KARS1: variants seen among roughly 807,000 people sequenced by gnomAD.
The protein encoded by KARS1 is lysyl-tRNA synthetase 1.
KARS1 carries 50 observed loss-of-function variants against 63.9 expected under a neutral mutation model. The ratio of observed to expected loss-of-function variants is 0.78; its 90% CI spans 0.62 to 0.99. The LOEUF is 0.99. Among genes scored for constraint, KARS1 ranks in the 50% least tolerant of loss-of-function variants. The probability of loss-of-function intolerance (pLI) is 0.00; values close to 1 mark genes in which losing one functional copy is unlikely to be tolerated. For synonymous variants in KARS1, 320 were observed against 264.6 expected (o/e 1.21, Z -2.03); for missense variants, 816 against 754.5 (o/e 1.08, Z -0.95).
At chr16:75,641,748 A>G (rs767839894) in intron 1 of KARS1, 25 bp from the exon 2 acceptor site, 11 of 1,612,714 alleles carry the variant, frequency 6.8e-6, no homozygotes, top group African/African-American at 1.3e-5. Context: ...AAAGCGTTCA[A>G]TGTGTTAGCT....
chr16:75,635,091 T>G (rs961041123), intron 6 of KARS1, among the ~76,000 whole-genome samples: 1 of 152,188 alleles, frequency 6.6e-6, no homozygotes, highest in South Asian at 2.1e-4. Context: ...TACAAAGAGA[T>G]CCAGAATATC....
At chr16:75,633,408 A>C (rs1008781235) in intron 7 of KARS1, among the ~76,000 whole-genome samples, 1 of 152,200 alleles carries the variant, frequency 6.6e-6, no homozygotes, top group Admixed American at 6.5e-5. Flanking sequence ...TATTTTGCTT[A>C]AACTAGTTAT....
chr16:75,640,088 T>G, intron 3 of KARS1, 96 bp downstream of exon 3: 1 of 1,020,918 alleles, frequency 9.8e-7, no homozygotes, highest in Non-Finnish European at 1.6e-6. Flanking sequence ...CACAGGCTAC[T>G]TGAGAACAAG....
chr16:75,634,004 G>A (rs565348732), intron 7 of KARS1, 169 bp downstream of exon 7: 6 of 762,616 alleles, frequency 7.9e-6, no homozygotes, highest in African/African-American at 1.7e-5. Context: ...TATTAATCTT[G>A]TAGAGAAATT....
chr16:75,641,628 G>C lies in KARS1; in HGVS notation c.158C>G (p.Ala53Gly). 1.2e-6 allele frequency: 2 copies of C among 1,613,934 alleles called. No homozygotes were observed. The highest frequency in any genetic ancestry group is 2.2e-5 in the South Asian group (2 of 91,074). Residue 53 changes from alanine to glycine, a missense_variant, in exon 2 of 14, where the codon GCT becomes GGT. Coordinates refer to ENST00000302445, the MANE Select transcript of KARS1 (RefSeq NM_005548.3). ...ATCAGTGGTGTGGTTGGTGGCAGCA[G>C]CAGTGGCTTGGCTTAGCTGTTTCTC... ...LSEKQLSQAT[A>G]AATNHTTDNG...
At position 75,633,417 on chromosome 16, in the gene KARS1, A is replaced by T. The variant is rs142700469; in HGVS notation, c.915+756T>A. Reference sequence around the variant, plus strand: ...AATTTTTATTTTGCTTAAACTAGTTATAACAGTTTCTGTTGTCTGCAACTA... The same window carrying T: ...AATTTTTATTTTGCTTAAACTAGTTTTAACAGTTTCTGTTGTCTGCAACTA... On this transcript the variant is annotated intron_variant, in intron 7 of 13. Transcript: ENST00000302445. Among the ~76,000 whole-genome samples, 212 of 152,252 alleles carry T rather than the reference A, an allele frequency of 1.4e-3. 6 individuals carry two copies. Among genetic ancestry groups the T allele is most frequent in the Admixed American group, 0.012 (189 of 15,282 alleles).
intron 1 of KARS1, among the ~76,000 whole-genome samples, chr16:75,644,932 C>A (rs2082264734): frequency 6.6e-6 from 1 of 152,198 alleles, no homozygotes. Flanking sequence ...AAAGAGAAGA[C>A]TTGTTTGGAA....
At position 75,631,794 on chromosome 16, in the gene KARS1, C is replaced by T. The variant is rs894420443; in HGVS notation, c.977G>A (p.Gly326Glu). 1 of 1,614,136 alleles carries T rather than the reference C, an allele frequency of 6.2e-7. No homozygotes were observed. Among genetic ancestry groups the T allele is most frequent in the Non-Finnish European group, 8.5e-7 (1 of 1,180,048 alleles). The change falls in exon 8 of 14, where the codon GGG (glycine) becomes GAG (glutamate). Residue 326 changes from glycine (G) to glutamate (E), a missense_variant. Gly to Glu is a moderately conservative substitution (Grantham distance 98). Coordinates refer to ENST00000302445, the MANE Select transcript of KARS1 (RefSeq NM_005548.3). ...CTCAGGATTGTGCGTCAAATCAATC[C>T]CCTCATTCCGGAACTGGCGTCCAAT... ...YEIGRQFRNE[G>E]IDLTHNPEFT...
chr16:75,638,227 TTTTA>T (rs1267733457), intron 3 of KARS1, among the ~76,000 whole-genome samples: 1 of 152,062 alleles, frequency 6.6e-6, no homozygotes, highest in Non-Finnish European at 1.5e-5. Flanking sequence ...CTTTTTTTTT[TTTTA>T]TTTTACTTTA....
intron 1 of KARS1, among the ~76,000 whole-genome samples, chr16:75,644,987 C>T (rs2082265199): frequency 6.6e-6 from 1 of 152,230 alleles, no homozygotes; most frequent in African/African-American, 2.4e-5. Flanking sequence ...GGTCCTTAGA[C>T]TGCGTTATGT....
At position 75,635,705 on chromosome 16, in the gene KARS1, A is replaced by T; in HGVS notation, c.770T>A (p.Phe257Tyr). 3 of 1,614,186 alleles carry T rather than the reference A, an allele frequency of 1.9e-6. No homozygotes were observed. Among genetic ancestry groups the T allele is most frequent in the Non-Finnish European group, 2.5e-6 (3 of 1,180,022 alleles). Residue 257 changes from phenylalanine to tyrosine, a missense_variant, in exon 6 of 14, where the codon TTC becomes TAC. Physicochemically the swap from Phe to Tyr is conservative, Grantham distance 22. Transcript: ENST00000302445. Reference protein sequence around the residue: ...RSKIITYIRSFLDELGFLEIE... With the variant: ...RSKIITYIRSYLDELGFLEIE... ...CTCTAGGAATCCCAGCTCATCTAAGAAACTTCTTATATATGTGATGATCTT... is the reference window on the plus strand; with the variant it reads ...CTCTAGGAATCCCAGCTCATCTAAGTAACTTCTTATATATGTGATGATCTT...
Position 75,637,417 on chromosome 16 carries a change from G to C in KARS1, c.389-870C>G, listed in dbSNP as rs915863329. On this transcript the variant is annotated intron_variant, in intron 3 of 13. Transcript: ENST00000302445. ...TGAACCTTTTCCTCCAGGCTCACTG[G>C]GGGAGAGCAGCTGAAACAGGGAGGG... is the stretch of plus-strand genomic sequence containing the variant. 3.9e-5 allele frequency among the ~76,000 whole-genome samples: 6 copies of C among 152,214 alleles called. No individual in the cohort carries two copies. In the East Asian group the frequency reaches 9.7e-4, roughly 25 times the overall value.
intron 3 of KARS1, among the ~76,000 whole-genome samples, chr16:75,638,389 C>T (rs986820658): frequency 6.6e-6 from 1 of 152,104 alleles, no homozygotes. Flanking sequence ...TCCCCGGTCC[C>T]CCCGCCCCTT....
At chr16:75,641,482 C>T in intron 2 of KARS1, 82 bp downstream of exon 2, 1 of 1,236,120 alleles carries the variant, frequency 8.1e-7, no homozygotes, top group Non-Finnish European at 1.2e-6. Flanking sequence ...GTCCCTCCTA[C>T]TGTCCAGTCC....
At chr16:75,644,402 A>G (rs755217630) in intron 1 of KARS1, 6 of 1,612,538 alleles carry the variant, frequency 3.7e-6, no homozygotes, top group East Asian at 2.2e-5. Context: ...ACCCCCTAAC[A>G]AGCCTTACAG....
chr16:75,636,399 G>T, intron 4 of KARS1, 55 bp downstream of exon 4: 4 of 1,075,642 alleles, frequency 3.7e-6, no homozygotes, highest in Non-Finnish European at 5.8e-6. Context: ...TCAGCCTATT[G>T]CTGTGTTGCT....
chr16:75,629,723 G>A (rs1482205697), intron 11 of KARS1, among the ~76,000 whole-genome samples, 182 bp from the exon 12 acceptor site: 6 of 152,164 alleles, frequency 3.9e-5, no homozygotes, highest in African/African-American at 1.4e-4. Flanking sequence ...CCTCAGCCTT[G>A]AGTAGCCGGG....
chr16:75,628,273 AAC>A (rs2082073252), intron 13 of KARS1, among the ~76,000 whole-genome samples: 1 of 152,258 alleles, frequency 6.6e-6, no homozygotes, highest in Non-Finnish European at 1.5e-5. Flanking sequence ...AATGGGAAAC[AAC>A]AGTTTCTACA....
At chr16:75,641,870 G>C in intron 1 of KARS1, 147 bp from the exon 2 acceptor site, 1 of 767,800 alleles carries the variant, frequency 1.3e-6, no homozygotes, top group Non-Finnish European at 2.3e-6. Flanking sequence ...CCACAGCTCA[G>C]CTCAAGTAGC....
Sources: gnomAD v4.1 joint callset for allele counts (sites outside exome capture counted in the v4.1 genomes callset) on GRCh38, gnomAD v4.1.1 for gene constraint, MANE v1.5 for transcripts, NCBI Gene and HGNC (gene_info 2026-07-23, HGNC 2026-07-21) for gene names.